The following HIVEP1 variants were observed in gnomAD, a reference collection of about 807,000 sequenced individuals.
The protein encoded by HIVEP1 is zinc finger protein 40.
In HIVEP1, 36 loss-of-function variants were observed where a neutral mutation model predicts 180.0. The ratio of observed to expected loss-of-function variants is 0.20; its 90% CI spans 0.15 to 0.26. The LOEUF (loss-of-function observed/expected upper bound fraction) is 0.26. Ranked by LOEUF, HIVEP1 falls within the 10% of genes least tolerant of loss-of-function variation. The probability of loss-of-function intolerance (pLI) is 1.00; values close to 1 mark genes in which losing one functional copy is unlikely to be tolerated. For synonymous variants in HIVEP1, 1,239 were observed against 1,239.0 expected (o/e 1.00, Z 0.00); for missense variants, 3,143 against 3,268.7 (o/e 0.96, Z 0.94).
Position 12,121,660 on chromosome 6 carries a change from C to A in HIVEP1, c.1865C>A (p.Ser622Tyr). The change falls in exon 4 of 9, where the codon TCC becomes TAC. Residue 622 changes from serine (S) to tyrosine (Y), a missense_variant. By Grantham distance (144) the Ser-to-Tyr change is moderately radical (BLOSUM62 -2). Around this residue, in one of 12 missense-constraint regions of HIVEP1, gnomAD observed 365 missense variants for 344.4 expected, o/e 1.06. Coordinates refer to ENST00000379388, the MANE Select transcript of HIVEP1 (RefSeq NM_002114.4). The surrounding 1 kb of genome is among the most constrained non-coding windows in gnomAD (Gnocchi z 5.3). ...GVSRLETNEN[S>Y]HQKGDMNPLE... Reference sequence around the variant, plus strand: ...TCCAGGTTGGAGACTAATGAGAATTCCCACCAGAAAGGCGACATGAATCCA... The same window carrying A: ...TCCAGGTTGGAGACTAATGAGAATTACCACCAGAAAGGCGACATGAATCCA... 6.2e-7 allele frequency: 1 copy of A among 1,614,136 alleles called. No homozygotes were observed. Among genetic ancestry groups the A allele is most frequent in the Non-Finnish European group, 8.5e-7 (1 of 1,180,022 alleles).
At position 12,124,369 on chromosome 6, in the gene HIVEP1, A is replaced by G. The variant is rs1368243303; in HGVS notation, c.4574A>G (p.Gln1525Arg). The change falls in exon 4 of 9, where the codon CAG becomes CGG. Residue 1525 changes from glutamine (Q) to arginine (R), a missense_variant. Coordinates refer to ENST00000379388, the MANE Select transcript of HIVEP1 (RefSeq NM_002114.4). ...LNQIHAPPSH[Q>R]STQLSLQVST... The stretch of plus-strand genomic sequence containing the variant: ...CAAATCCATGCACCGCCTAGCCACC[A>G]GAGCACACAGCTATCTCTGCAAGTG... The G allele has an allele frequency of 1.9e-6, 3 of 1,614,054 alleles. No homozygotes were observed. Among genetic ancestry groups the G allele is most frequent in the Non-Finnish European group, 2.5e-6 (3 of 1,180,042 alleles).
At chr6:12,172,460 T>G in the HIVEP1 span, among the ~76,000 whole-genome samples, 1 of 151,840 alleles carries the variant, frequency 6.6e-6, no homozygotes, top group African/African-American at 2.4e-5. Context: ...AAAATATAGC[T>G]GATTTTGGTA....
At chr6:12,012,206 C>T (rs1320008795), upstream of HIVEP1, 12 of 144,454 alleles carry the variant, frequency 8.3e-5, no homozygotes, top group African/African-American at 2.7e-4. Context: ...AGCTTCGCCG[C>T]CTCCTCCGCC....
At chr6:12,036,389 C>A (rs1479889833) in intron 2 of HIVEP1, among the ~76,000 whole-genome samples, 1 of 152,182 alleles carries the variant, frequency 6.6e-6, no homozygotes, top group Non-Finnish European at 1.5e-5. Flanking sequence ...ATAGGATATA[C>A]AATTGTATGG....
the HIVEP1 span, among the ~76,000 whole-genome samples, chr6:12,192,470 T>C: frequency 6.6e-6 from 1 of 152,156 alleles, no homozygotes; most frequent in African/African-American, 2.4e-5. Flanking sequence ...CTCACCCAAA[T>C]CTCATGTTGA....
At chr6:12,195,528 T>C in the HIVEP1 span, among the ~76,000 whole-genome samples, 1 of 152,204 alleles carries the variant, frequency 6.6e-6, no homozygotes, top group African/African-American at 2.4e-5. Context: ...CAATTTTACA[T>C]CTAGTTTAAC....
chr6:12,117,012 G>A (rs1775255910), intron 3 of HIVEP1, among the ~76,000 whole-genome samples: 1 of 152,094 alleles, frequency 6.6e-6, no homozygotes, highest in Non-Finnish European at 1.5e-5. Context: ...GAATAAATAT[G>A]AAACAGTAAA....
At chr6:12,041,012 A>G (rs1323836016) in intron 2 of HIVEP1, among the ~76,000 whole-genome samples, 1 of 152,202 alleles carries the variant, frequency 6.6e-6, no homozygotes, top group Non-Finnish European at 1.5e-5. Context: ...ATTACAATAC[A>G]ACATGAGATT....
chr6:12,134,799 A>G (rs1331921165), intron 6 of HIVEP1, among the ~76,000 whole-genome samples: 1 of 152,238 alleles, frequency 6.6e-6, no homozygotes, highest in Non-Finnish European at 1.5e-5. Flanking sequence ...GGTCATACTT[A>G]AAGAGGTCGA....
At chr6:12,185,952 G>A in the HIVEP1 span, among the ~76,000 whole-genome samples, 1 of 151,562 alleles carries the variant, frequency 6.6e-6, no homozygotes, top group Admixed American at 6.6e-5. Context: ...ATCTAATCAA[G>A]AGAATTAAAA....
intron 2 of HIVEP1, among the ~76,000 whole-genome samples, chr6:12,060,235 G>C (rs1183193722): frequency 6.6e-6 from 1 of 152,150 alleles, no homozygotes; most frequent in Non-Finnish European, 1.5e-5. Context: ...GTTATTGTAA[G>C]CATGATTTTG....
intron 3 of HIVEP1, among the ~76,000 whole-genome samples, chr6:12,104,425 CTTTTTTTTTTT>C (rs70981665): frequency 1.5e-4 from 11 of 72,778 alleles, no homozygotes; most frequent in South Asian, 6.2e-4. Context: ...CTTTTCTTTC[CTTTTTTTTTTT>C]TTTTTTTTTT....
rs192265944 is a variant in HIVEP1, at chr6:12,100,381, C to T, written c.94+11144C>T. Among the ~76,000 whole-genome samples, 60 of 152,288 alleles carry T rather than the reference C, an allele frequency of 3.9e-4. 1 individual carries two copies. The East Asian group carries it at 8.7e-3, about 22-fold the overall frequency. On this transcript the variant is annotated intron_variant, in intron 3 of 8. Transcript: ENST00000379388. Reference sequence around the variant, plus strand: ...ATGATTTCAACCTACCGAATGGTTGCGGCTTGCAGAATTCCTGAATATTTG... The same window carrying T: ...ATGATTTCAACCTACCGAATGGTTGTGGCTTGCAGAATTCCTGAATATTTG...
In HIVEP1 at chr6:12,163,808, G is replaced by T; in HGVS notation, c.7504G>T (p.Ala2502Ser). Reference protein sequence around the residue: ...SMETVNIVGLANTNMAPQVHP... With the variant: ...SMETVNIVGLSNTNMAPQVHP... Reference sequence around the variant, plus strand: ...GGAAACCGTCAATATTGTAGGCCTAGCCAATACAAATATGGCCCCACAAGT... The same window carrying T: ...GGAAACCGTCAATATTGTAGGCCTATCCAATACAAATATGGCCCCACAAGT... The change falls in exon 9 of 9, where the codon GCC (alanine) becomes TCC (serine). Residue 2502 changes from alanine to serine, a missense_variant. Transcript: ENST00000379388. 6.2e-7 allele frequency: 1 copy of T among 1,614,154 alleles called. No homozygotes were observed. Among genetic ancestry groups the T allele is most frequent in the Non-Finnish European group, 8.5e-7 (1 of 1,180,016 alleles).
At chr6:12,007,713 A>G (rs1767086235), upstream of HIVEP1, 1 of 151,680 alleles carries the variant, frequency 6.6e-6, no homozygotes, top group Admixed American at 6.6e-5. Flanking sequence ...CTGTACTTCC[A>G]CCACTGCCAA....
chr6:12,192,111 A>T, the HIVEP1 span, among the ~76,000 whole-genome samples: 1 of 152,240 alleles, frequency 6.6e-6, no homozygotes. Flanking sequence ...ATTTAAATCA[A>T]TTACAATATT....
intron 7 of HIVEP1, among the ~76,000 whole-genome samples, chr6:12,153,524 C>T (rs377502043): frequency 6.1e-5 from 8 of 130,536 alleles, no homozygotes; most frequent in East Asian, 2.3e-4. Flanking sequence ...TGGCTGCAAC[C>T]GGAATAGAGC....
At chr6:12,038,384 C>A (rs920965971) in intron 2 of HIVEP1, 3 of 152,128 alleles carry the variant, frequency 2.0e-5, no homozygotes, top group African/African-American at 7.2e-5. Flanking sequence ...AGTTAAGAAT[C>A]ATCCTCTGGA....
At chr6:12,177,174 G>C in the HIVEP1 span, among the ~76,000 whole-genome samples, 1 of 151,566 alleles carries the variant, frequency 6.6e-6, no homozygotes, top group East Asian at 1.9e-4. Context: ...AGGGTGGAGG[G>C]TGGGAGGAGG....
Sources: gnomAD v4.1 joint callset for allele counts (sites outside exome capture counted in the v4.1 genomes callset) on GRCh38, gnomAD v4.1.1 for gene constraint, gnomAD v4.1.1 regional missense constraint, Gnocchi (gnomAD v3.1) non-coding constraint, MANE v1.5 for transcripts, NCBI Gene and HGNC (gene_info 2026-07-23, HGNC 2026-07-21) for gene names.